Variants in KDM6A observed in about 807,000 individuals in gnomAD.
KDM6A encodes lysine demethylase 6A.
Under a neutral mutation model 117.6 loss-of-function variants are expected in KDM6A, and 11 were observed. That is an observed-to-expected ratio of 0.09 (90% CI 0.06 to 0.15). The LOEUF is 0.15. Among genes scored for constraint, KDM6A ranks in the 10% least tolerant of loss-of-function variants. KDM6A has a pLI of 1.00. For synonymous variants in KDM6A, 384 were observed against 396.1 expected (o/e 0.97, Z 0.36); for missense variants, 799 against 1,077.3 (o/e 0.74, Z 3.62).
chrX:44,938,211 T>G (rs1412809052), intron 2 of KDM6A, among the ~76,000 whole-genome samples: 1 of 111,780 alleles, frequency 8.9e-6, no homozygotes, highest in Non-Finnish European at 1.9e-5. Flanking sequence ...CCCCTTGCCT[T>G]GGCCTCACAA....
intron 2 of KDM6A, among the ~76,000 whole-genome samples, chrX:44,877,535 G>GT (rs781316436): frequency 0.07 from 6,957 of 99,725 alleles, 356 homozygotes; most frequent in African/African-American, 0.17. Context: ...AACCTTTTGG[G>GT]TTTTTTTTTT....
intron 2 of KDM6A, among the ~76,000 whole-genome samples, chrX:44,922,192 C>T (rs1211786122): frequency 9.6e-6 from 1 of 103,819 alleles, no homozygotes; most frequent in Non-Finnish European, 2.0e-5. Flanking sequence ...TACAAGTGTG[C>T]ACCACCATGC....
intron 2 of KDM6A, among the ~76,000 whole-genome samples, chrX:44,897,138 C>CTTTTTTTTTTTTTTTTTTTTTCT (rs752521695): frequency 1.4e-5 from 1 of 73,026 alleles, no homozygotes; most frequent in Non-Finnish European, 2.8e-5. Context: ...AGGCTTTGTT[C>CTTTTTTTTTTTTTTTTTTTTTCT]TTTTTTTTTT....
In KDM6A at chrX:45,069,686, G is replaced by A. The variant is rs201509621; in HGVS notation, c.2187G>A (p.Gln729=). The change falls in exon 18 of 30, where the codon CAG becomes CAA. Residue 729 remains glutamine (Q), a synonymous_variant. Transcript: ENST00000611820. ...QHLQAAGSGI[Q]NQNGHPTLPS... Reference sequence around the variant, plus strand: ...TCCAGGCAGCTGGCTCTGGTATTCAGAATCAGAACGGACATCCCACCCTGC... The same window carrying A: ...TCCAGGCAGCTGGCTCTGGTATTCAAAATCAGAACGGACATCCCACCCTGC... 23 of 1,208,077 alleles carry A rather than the reference G, an allele frequency of 1.9e-5. No individual in the cohort carries two copies. The East Asian group carries it at 6.2e-4, about 33-fold the overall frequency.
intron 2 of KDM6A, among the ~76,000 whole-genome samples, chrX:44,954,718 T>G (rs763042754): frequency 1.8e-5 from 2 of 110,702 alleles, no homozygotes; most frequent in South Asian, 7.6e-4. Flanking sequence ...GTACTCACTG[T>G]TATAGGCAGT....
rs534711548 is a variant in KDM6A, at chrX:44,937,118, C to CT, written c.226-24155dup. ...CAGTGAGTTTGATGATACATTGACCCTTTTTTTTTTTAAAGTGAGGATGTG... is the reference window on the plus strand; with the variant it reads ...CAGTGAGTTTGATGATACATTGACCCTTTTTTTTTTTTAAAGTGAGGATGTG... On this transcript the variant is annotated intron_variant, in intron 2 of 29. Coordinates refer to ENST00000611820, the MANE Select transcript of KDM6A (RefSeq NM_001291415.2). Among the ~76,000 whole-genome samples the CT allele has an allele frequency of 3.4e-4, 35 of 103,203 alleles. No individual in the cohort carries two copies. In the South Asian group the frequency reaches 5.8e-3, roughly 17 times the overall value. The allele number at this position is 103,203 out of a possible 115,157, so 89.6% of individuals were successfully genotyped here.
At chrX:44,923,905 T>A (rs1488812548) in intron 2 of KDM6A, among the ~76,000 whole-genome samples, 1 of 111,328 alleles carries the variant, frequency 9.0e-6, no homozygotes, top group Non-Finnish European at 1.9e-5. Flanking sequence ...GTATTTTTAG[T>A]GGAGACAGGG....
At chrX:45,105,549 G>A (rs1005150388) in intron 27 of KDM6A, among the ~76,000 whole-genome samples, 1 of 111,939 alleles carries the variant, frequency 8.9e-6, no homozygotes, top group African/African-American at 3.2e-5. Flanking sequence ...TGTATCTTTA[G>A]AAGTGAATTG....
chrX:45,076,578 T>G, intron 18 of KDM6A, 119 bp from the exon 19 acceptor site: 1 of 515,143 alleles, frequency 1.9e-6, no homozygotes, highest in Non-Finnish European at 3.3e-6. Flanking sequence ...ACATCCCACA[T>G]CTCATGGACT....
chrX:44,897,289 T>G (rs2033973902), intron 2 of KDM6A, among the ~76,000 whole-genome samples: 1 of 108,320 alleles, frequency 9.2e-6, no homozygotes, highest in African/African-American at 3.4e-5. Flanking sequence ...TTTTTTTGGT[T>G]TTATAATTTC....
chrX:44,988,583 T>C (rs2040384041), intron 4 of KDM6A, among the ~76,000 whole-genome samples: 1 of 110,891 alleles, frequency 9.0e-6, no homozygotes, highest in African/African-American at 3.3e-5. Context: ...ACAGATGGGG[T>C]TTTGATGTGG....
At chrX:45,044,042 G>A (rs953208467) in intron 8 of KDM6A, among the ~76,000 whole-genome samples, 5 of 111,779 alleles carry the variant, frequency 4.5e-5, no homozygotes, top group Non-Finnish European at 9.4e-5. Flanking sequence ...GTAACATGCT[G>A]TACAGGTTTG....
chrX:44,957,305 A>G (rs2038394150), intron 2 of KDM6A, among the ~76,000 whole-genome samples: 1 of 112,007 alleles, frequency 8.9e-6, no homozygotes, highest in African/African-American at 3.2e-5. Context: ...TTGAAAAGAA[A>G]AAAGTTTAAA....
chrX:44,873,965 G>C lies in KDM6A; in HGVS notation c.203G>C (p.Arg68Thr), dbSNP rs751146386. 3 of 1,210,110 alleles carry C rather than the reference G, an allele frequency of 2.5e-6. No homozygotes were observed. The Admixed American group carries it at 6.5e-5, about 26-fold the overall frequency. The change falls in exon 2 of 30, where the codon AGG (arginine) becomes ACG (threonine). Residue 68 changes from arginine (R) to threonine (T), a missense_variant. Around this residue, in one of 8 missense-constraint regions of KDM6A, gnomAD observed 89 missense variants for 117.8 expected, o/e 0.76. Coordinates refer to ENST00000611820, the MANE Select transcript of KDM6A (RefSeq NM_001291415.2). ...GFVRFHEDGA[R>T]TKALLGKAVR... ...GTGAGATTTCATGAAGATGGCGCCA[G>C]GACGAAGGCCCTACTGGGCAAGGTA...
intron 3 of KDM6A, among the ~76,000 whole-genome samples, chrX:44,973,363 A>G (rs1375084839): frequency 2.7e-5 from 3 of 111,148 alleles, no homozygotes; most frequent in Non-Finnish European, 5.7e-5. Context: ...AATAAACCAT[A>G]TCTTCTTCTT....
intron 2 of KDM6A, among the ~76,000 whole-genome samples, chrX:44,894,141 A>T (rs2033612343): frequency 9.0e-6 from 1 of 111,575 alleles, no homozygotes; most frequent in Non-Finnish European, 1.9e-5. Context: ...TTTGTTGAGG[A>T]TTTCTGCCTC....
chrX:45,110,014 A>T lies in KDM6A; in HGVS notation c.4162-65A>T, dbSNP rs999996051. 4.5e-5 allele frequency: 45 copies of T among 989,612 alleles called. No homozygotes were observed. In the African/African-American group the frequency reaches 8.1e-4, roughly 18 times the overall value. The allele number at this position is 989,612 out of a possible 1,213,427, so 81.6% of individuals were successfully genotyped here. A position where few individuals can be genotyped will look rare whatever the true frequency, so the allele number is the denominator to read the frequency against. On this transcript the variant is annotated intron_variant, in intron 28 of 29. Transcript: ENST00000611820. ...TTCATTCAAGTAGAATTCCATGATT[A>T]TACTAAAGCAGTACAGTAAATACCA...
intron 4 of KDM6A, among the ~76,000 whole-genome samples, chrX:44,999,063 A>G (rs1281252799): frequency 2.7e-5 from 3 of 111,779 alleles, no homozygotes; most frequent in East Asian, 5.6e-4. Flanking sequence ...CATGCCTCTA[A>G]TTCCAGTACT....
chrX:44,971,365 T>C (rs985309729), intron 3 of KDM6A, among the ~76,000 whole-genome samples: 1 of 111,919 alleles, frequency 8.9e-6, no homozygotes, highest in African/African-American at 3.2e-5. Context: ...ATTATTCATA[T>C]GTAAAAGTTA....
Sources: allele counts gnomAD v4.1 joint callset (sites outside exome capture counted in the v4.1 genomes callset), GRCh38; gene constraint gnomAD v4.1.1; regional missense constraint gnomAD v4.1.1; transcripts MANE v1.5; gene names NCBI Gene and HGNC (gene_info 2026-07-23, HGNC 2026-07-21).